ZNF672: variants seen among roughly 807,000 people sequenced by gnomAD.
ZNF672 encodes the protein hypothetical protein FLJ22301.
For synonymous variants in ZNF672, 358 were observed against 305.6 expected (o/e 1.17, Z -1.79); for missense variants, 733 against 701.1 (o/e 1.05, Z -0.51).
intron 1 of ZNF672, among the ~76,000 whole-genome samples, chr1:248,844,277 A>G (rs574286897): frequency 1.3e-5 from 2 of 152,246 alleles, no homozygotes; most frequent in East Asian, 1.9e-4. Context: ...AGGTACTTAT[A>G]TACTTTATTC....
rs12045382 is a variant in ZNF672, at chr1:248,849,323, C to A, written c.*690C>A. On this transcript the variant is annotated 3_prime_UTR_variant, in exon 4 of 4. Transcript: ENST00000306562. ...GGCCTCTCAGAACCATGTTCCCCAG[C>A]CAGGTGAGGACCATTTTCACTGGGA... 6,258 of 365,614 alleles carry A rather than the reference C, an allele frequency of 0.017. 248 individuals are homozygous for A. The highest frequency in any genetic ancestry group is 0.14 in the East Asian group (1,862 of 13,432). The allele number at this position is 365,614 out of a possible 1,614,324, so 22.6% of individuals were successfully genotyped here.
intron 1 of ZNF672, 39 bp downstream of exon 1, chr1:248,838,590 C>T (rs1393361581): frequency 1.3e-5 from 2 of 152,480 alleles, no homozygotes; most frequent in African/African-American, 2.4e-5. Context: ...AAGGGTGGCT[C>T]GGGGCAGCAG....
Position 248,847,657 on chromosome 1 carries a change from G to A in ZNF672, c.383G>A (p.Arg128His), listed in dbSNP as rs1659196975. The change falls in exon 4 of 4, where the codon CGC becomes CAC. Residue 128 changes from arginine to histidine, a missense_variant. Physicochemically the swap from Arg to His is conservative, Grantham distance 29. Coordinates refer to ENST00000306562, the MANE Select transcript of ZNF672 (RefSeq NM_024836.3). ...RRRQHLPERP[R>H]RCPLCARTFR... ...CGCCAGCATCTGCCAGAGCGGCCCC[G>A]CCGCTGCCCGCTGTGCGCCCGCACC... 1.3e-6 allele frequency: 2 copies of A among 1,496,746 alleles called. No homozygotes were observed. The highest frequency in any genetic ancestry group is 1.8e-6 in the Non-Finnish European group (2 of 1,127,748). 92.7% of individuals were successfully genotyped at this position (1,496,746 alleles called of 1,614,324 possible). A position where few individuals can be genotyped will look rare whatever the true frequency, so the allele number is the denominator to read the frequency against.
chr1:248,848,023 C>G lies in ZNF672; in HGVS notation c.749C>G (p.Thr250Arg), dbSNP rs976479296. 6.4e-7 allele frequency: 1 copy of G among 1,555,812 alleles called. No individual in the cohort carries two copies. The highest frequency in any genetic ancestry group is 8.7e-7 in the Non-Finnish European group (1 of 1,150,798). Residue 250 changes from threonine (T) to arginine (R), a missense_variant, in exon 4 of 4, where the codon ACG becomes AGG. By Grantham distance (71) the Thr-to-Arg change is moderately conservative. Transcript: ENST00000306562. The stretch of plus-strand genomic sequence containing the variant: ...CTGGTGCGCCACCAGCGCACACACA[C>G]GGGCGAGAAGCCGTACGCATGTGGC... ...ATLVRHQRTH[T>R]GEKPYACGDC...
Position 248,847,803 on chromosome 1 carries a change from G to T in ZNF672, c.529G>T (p.Gly177Trp). Residue 177 changes from glycine to tryptophan, a missense_variant, in exon 4 of 4, where the codon GGG (glycine) becomes TGG (tryptophan). By Grantham distance (184) the Gly-to-Trp change is radical (BLOSUM62 -2). Coordinates refer to ENST00000306562, the MANE Select transcript of ZNF672 (RefSeq NM_024836.3). ...QCPRAFRSGAGLRSHARIHVS... is the reference protein window; with the variant it reads ...QCPRAFRSGAWLRSHARIHVS... ...CCCGCGAGCCTTCCGAAGCGGCGCC[G>T]GGCTGCGGAGTCACGCGCGCATCCA... The T allele has an allele frequency of 1.3e-6, 2 of 1,546,124 alleles. No individual in the cohort carries two copies. Among genetic ancestry groups the T allele is most frequent in the Middle Eastern group, 1.7e-4 (1 of 5,990 alleles).
In ZNF672 at chr1:248,848,643, G is replaced by C; in HGVS notation, c.*10G>C. ...GTTCTCTGTGTCCTAGTTGAGGGAGGCTTGCTGAGGCTTCTCTAAAGGTGG... is the reference window on the plus strand; with the variant it reads ...GTTCTCTGTGTCCTAGTTGAGGGAGCCTTGCTGAGGCTTCTCTAAAGGTGG... On this transcript the variant is annotated 3_prime_UTR_variant, in exon 4 of 4. Coordinates refer to ENST00000306562, the MANE Select transcript of ZNF672 (RefSeq NM_024836.3). 1.3e-6 allele frequency: 2 copies of C among 1,552,026 alleles called. No homozygotes were observed. The highest frequency in any genetic ancestry group is 2.4e-5 in the South Asian group (2 of 82,308).
At chr1:248,842,908 C>CTA (rs1207401138) in intron 1 of ZNF672, 1 of 152,220 alleles carries the variant, frequency 6.6e-6, no homozygotes, top group African/African-American at 2.4e-5. Context: ...CAGGGCCCCA[C>CTA]GATTAACACA....
intron 2 of ZNF672, among the ~76,000 whole-genome samples, chr1:248,845,001 G>A (rs754687199): frequency 2.6e-5 from 4 of 152,210 alleles, no homozygotes; most frequent in Non-Finnish European, 4.4e-5. Flanking sequence ...GATGGCTCAC[G>A]CCTGTAATCC....
chr1:248,845,093 T>C (rs1277867010), intron 2 of ZNF672, among the ~76,000 whole-genome samples: 3 of 152,068 alleles, frequency 2.0e-5, no homozygotes, highest in African/African-American at 2.4e-5. Flanking sequence ...TGAAACCCCG[T>C]CTCTACTAAA....
At chr1:248,841,893 C>A (rs1207167898) in intron 1 of ZNF672, among the ~76,000 whole-genome samples, 1 of 152,116 alleles carries the variant, frequency 6.6e-6, no homozygotes, top group Admixed American at 6.5e-5. Context: ...GGCGCCACTG[C>A]ACTTTAGCCT....
intron 3 of ZNF672, among the ~76,000 whole-genome samples, chr1:248,846,749 C>T (rs886235221): frequency 3.3e-5 from 5 of 152,158 alleles, no homozygotes; most frequent in South Asian, 2.1e-4. Context: ...CTAAGGCCAG[C>T]GAACAGGCTT....
In ZNF672 at chr1:248,849,028, C is replaced by G; in HGVS notation, c.*395C>G. On this transcript the variant is annotated 3_prime_UTR_variant, in exon 4 of 4. Coordinates refer to ENST00000306562, the MANE Select transcript of ZNF672 (RefSeq NM_024836.3). ...ATCTCATTCCAGCCCACATCTTCTC[C>G]TTTCCTGATTACTTTTGTTGTCCTG... 1 of 506,524 alleles carries G rather than the reference C, an allele frequency of 2.0e-6. No homozygotes were observed. Among genetic ancestry groups the G allele is most frequent in the Non-Finnish European group, 4.0e-6 (1 of 250,694 alleles). The allele number at this position is 506,524 out of a possible 1,614,324, so 31.4% of individuals were successfully genotyped here.
chr1:248,848,132 C>T lies in ZNF672; in HGVS notation c.858C>T (p.Ala286=). The T allele has an allele frequency of 6.4e-7, 1 of 1,570,426 alleles. No individual in the cohort carries two copies. ...AGGGCGAGCGGCCACATGCGTGCGC[C>T]ACTTGCGGCAAGGGTTTCGGGCAGC... ...SHQGERPHAC[A]TCGKGFGQRS... The change falls in exon 4 of 4, where the codon GCC becomes GCT. Residue 286 remains alanine (A), a synonymous_variant. Transcript: ENST00000306562.
Position 248,848,779 on chromosome 1 carries a change from T to C in ZNF672, c.*146T>C, listed in dbSNP as rs756853313. 3.3e-6 allele frequency: 4 copies of C among 1,198,504 alleles called. No individual in the cohort carries two copies. The African/African-American group carries it at 6.1e-5, about 18-fold the overall frequency. 74.2% of individuals were successfully genotyped at this position (1,198,504 alleles called of 1,614,324 possible). ...CTTTCCAGTTTCTGTTGGCAGCCCTTCACGTAGCCTCCTGCCTCGCCTCTA... is the reference window on the plus strand; with the variant it reads ...CTTTCCAGTTTCTGTTGGCAGCCCTCCACGTAGCCTCCTGCCTCGCCTCTA... On this transcript the variant is annotated 3_prime_UTR_variant, in exon 4 of 4. Coordinates refer to ENST00000306562, the MANE Select transcript of ZNF672 (RefSeq NM_024836.3).
At position 248,848,090 on chromosome 1, in the gene ZNF672, C is replaced by T. The variant is rs1310737110; in HGVS notation, c.816C>T (p.Arg272=). 9 of 1,549,060 alleles carry T rather than the reference C, an allele frequency of 5.8e-6. No individual in the cohort carries two copies. The highest frequency in any genetic ancestry group is 2.0e-5 in the Admixed American group (1 of 51,164). ...TCAGCGAGAGTTCCACGCTGCTGCG[C>T]CATCGGCGCAGCCATCAGGGCGAGC... ...RCFSESSTLL[R]HRRSHQGERP... Residue 272 remains arginine, a synonymous_variant, in exon 4 of 4, where the codon CGC becomes CGT. Transcript: ENST00000306562.
At position 248,847,677 on chromosome 1, in the gene ZNF672, C is replaced by T. The variant is rs1034515601; in HGVS notation, c.403C>T (p.Arg135Cys). 17 of 1,480,994 alleles carry T rather than the reference C, an allele frequency of 1.1e-5. No homozygotes were observed. In the East Asian group the frequency reaches 1.3e-4, roughly 11 times the overall value. 91.7% of individuals were successfully genotyped at this position (1,480,994 alleles called of 1,614,324 possible). Residue 135 changes from arginine to cysteine, a missense_variant, in exon 4 of 4, where the codon CGC becomes TGC. By Grantham distance (180) the Arg-to-Cys change is radical. Coordinates refer to ENST00000306562, the MANE Select transcript of ZNF672 (RefSeq NM_024836.3). ...GCCCCGCCGCTGCCCGCTGTGCGCC[C>T]GCACCTTCCGGCAGAGCGCGCTGCT... ...ERPRRCPLCA[R>C]TFRQSALLFH... is the part of the protein sequence containing the mutation.
At chr1:248,845,945 G>A (rs1027542085) in intron 3 of ZNF672, among the ~76,000 whole-genome samples, 1 of 152,198 alleles carries the variant, frequency 6.6e-6, no homozygotes, top group Non-Finnish European at 1.5e-5. Context: ...GCCACATTGT[G>A]CTCTTGACTA....
At position 248,847,631 on chromosome 1, in the gene ZNF672, C is replaced by T; in HGVS notation, c.357C>T (p.Arg119=). 1 of 1,519,254 alleles carries T rather than the reference C, an allele frequency of 6.6e-7. No individual in the cohort carries two copies. Among genetic ancestry groups the T allele is most frequent in the Non-Finnish European group, 8.8e-7 (1 of 1,136,478 alleles). The allele number at this position is 1,519,254 out of a possible 1,614,324, so 94.1% of individuals were successfully genotyped here. ...TCCCGGCGCTGCTGCTACACCGGCG[C>T]CGCCAGCATCTGCCAGAGCGGCCCC... is the stretch of plus-strand genomic sequence containing the variant. The part of the protein sequence containing the change: ...PHLPALLLHR[R]RQHLPERPRR... Residue 119 remains arginine, a synonymous_variant, in exon 4 of 4, where the codon CGC becomes CGT. Coordinates refer to ENST00000306562, the MANE Select transcript of ZNF672 (RefSeq NM_024836.3).
At chr1:248,841,760 A>G (rs185488425) in intron 1 of ZNF672, among the ~76,000 whole-genome samples, 60 of 152,282 alleles carry the variant, frequency 3.9e-4, no homozygotes, top group Non-Finnish European at 3.2e-4. Context: ...CGTGTCTGCT[A>G]AAAATACAAA....
Sources: gnomAD v4.1 joint callset for allele counts (sites outside exome capture counted in the v4.1 genomes callset) on GRCh38, gnomAD v4.1.1 for gene constraint, MANE v1.5 for transcripts, NCBI Gene and HGNC (gene_info 2026-07-23, HGNC 2026-07-21) for gene names.